Variants in SPECC1 observed in about 807,000 individuals in gnomAD.
The protein encoded by SPECC1 is sperm antigen with calponin homology and coiled-coil domains 1.
SPECC1 carries 62 observed loss-of-function variants against 104.1 expected under a neutral mutation model. The observed-to-expected ratio is 0.60, with a 90% CI of 0.49 to 0.74. The LOEUF is 0.74. Among genes scored for constraint, SPECC1 ranks in the 30% least tolerant of loss-of-function variants. The pLI is 0.00. For synonymous variants in SPECC1, 513 were observed against 501.6 expected, an observed-to-expected ratio of 1.02 and a Z score of -0.30; for missense variants, 1,306 against 1,310.5, an observed-to-expected ratio of 1.00 and a Z score of 0.05.
chr17:20,077,185 T>G (rs2046792893), intron 1 of SPECC1, among the ~76,000 whole-genome samples: 1 of 152,206 alleles, frequency 6.6e-6, no homozygotes, highest in East Asian at 1.9e-4. Context: ...ATGTTAGAGA[T>G]CTAAGTTCTC....
chr17:20,218,166 G>A (rs2703820), intron 4 of SPECC1, among the ~76,000 whole-genome samples: 107,814 of 152,206 alleles, frequency 0.71, 39,991 homozygotes, highest in East Asian at 0.99. Flanking sequence ...ACTACCTAGT[G>A]TTGTATATAT....
intron 3 of SPECC1, among the ~76,000 whole-genome samples, chr17:20,148,822 C>T (rs1254480057): frequency 1.3e-5 from 2 of 151,992 alleles, no homozygotes; most frequent in South Asian, 2.1e-4. Flanking sequence ...CAGGTTCAAG[C>T]GATTCTCCTG....
At chr17:20,075,014 T>C (rs1024530055) in intron 1 of SPECC1, among the ~76,000 whole-genome samples, 14 of 152,154 alleles carry the variant, frequency 9.2e-5, no homozygotes, top group African/African-American at 3.4e-4. Flanking sequence ...GTGATTCTCC[T>C]GTCATAGCCT....
chr17:20,284,726 T>G (rs1044393349), intron 12 of SPECC1, among the ~76,000 whole-genome samples: 1 of 152,206 alleles, frequency 6.6e-6, no homozygotes, highest in Non-Finnish European at 1.5e-5. Flanking sequence ...TGTTAAACTT[T>G]CCAAAAACTA....
At chr17:20,018,309 C>G (rs1043023297) in intron 1 of SPECC1, among the ~76,000 whole-genome samples, 3 of 152,200 alleles carry the variant, frequency 2.0e-5, no homozygotes, top group Non-Finnish European at 4.4e-5. Flanking sequence ...CTCTTGTTTT[C>G]CAGGTTTCTT....
intron 9 of SPECC1, among the ~76,000 whole-genome samples, chr17:20,248,622 G>A (rs1380459264): frequency 2.0e-5 from 3 of 152,112 alleles, no homozygotes; most frequent in Admixed American, 6.6e-5. Flanking sequence ...TCAGTAAGGT[G>A]GAGCACTTCT....
At chr17:20,183,804 T>G (rs1014424397) in intron 3 of SPECC1, among the ~76,000 whole-genome samples, 2 of 152,086 alleles carry the variant, frequency 1.3e-5, no homozygotes, top group African/African-American at 4.8e-5. Context: ...TATCTGTGGT[T>G]GGTAGAATTC....
chr17:20,010,549 G>C (rs1311570886), intron 1 of SPECC1, among the ~76,000 whole-genome samples: 1 of 152,230 alleles, frequency 6.6e-6, no homozygotes, highest in Admixed American at 6.5e-5. Flanking sequence ...CTCCAAGCAA[G>C]CGAGTTGAAT....
intron 3 of SPECC1, among the ~76,000 whole-genome samples, chr17:20,116,427 T>A (rs2048759122): frequency 6.6e-6 from 1 of 152,112 alleles, no homozygotes; most frequent in Admixed American, 6.5e-5. Context: ...AAGATAATAA[T>A]GTAAGAAACA....
intron 7 of SPECC1, among the ~76,000 whole-genome samples, chr17:20,243,192 T>A (rs962420290): frequency 1.3e-5 from 2 of 152,238 alleles, no homozygotes; most frequent in African/African-American, 4.8e-5. Flanking sequence ...AGGTTGATTT[T>A]AGAACCTAAC....
At chr17:20,305,235 G>A (rs549160854) in intron 13 of SPECC1, among the ~76,000 whole-genome samples, 4 of 152,232 alleles carry the variant, frequency 2.6e-5, no homozygotes, top group East Asian at 3.9e-4. Context: ...TCCAGGGAAG[G>A]AAGCAAAGGT....
chr17:20,023,218 A>G (rs1042983622), intron 1 of SPECC1, among the ~76,000 whole-genome samples: 2 of 152,192 alleles, frequency 1.3e-5, no homozygotes, highest in Non-Finnish European at 2.9e-5. Context: ...GTAAATGAAC[A>G]TGGTCTCTTC....
intron 4 of SPECC1, among the ~76,000 whole-genome samples, chr17:20,208,226 C>G (rs1393895293): frequency 6.6e-6 from 1 of 152,158 alleles, no homozygotes; most frequent in Non-Finnish European, 1.5e-5. Context: ...AAGGTCCTAG[C>G]TAGTATTTTT....
intron 3 of SPECC1, among the ~76,000 whole-genome samples, chr17:20,186,926 T>G (rs2035321712): frequency 6.6e-6 from 1 of 152,196 alleles, no homozygotes; most frequent in Non-Finnish European, 1.5e-5. Flanking sequence ...CTGAAGTCTT[T>G]TGGGTTGGTT....
At chr17:20,221,713 T>C (rs1326204464) in intron 4 of SPECC1, among the ~76,000 whole-genome samples, 1 of 152,160 alleles carries the variant, frequency 6.6e-6, no homozygotes, top group African/African-American at 2.4e-5. Flanking sequence ...GCTTTTCTGG[T>C]TATTTAAGAT....
intron 3 of SPECC1, among the ~76,000 whole-genome samples, chr17:20,125,577 T>C (rs2049260004): frequency 6.6e-6 from 1 of 152,224 alleles, no homozygotes; most frequent in Non-Finnish European, 1.5e-5. Flanking sequence ...ACTTTCTGTT[T>C]CTGTGAGTTT....
chr17:20,055,478 G>T (rs768773119), intron 1 of SPECC1, among the ~76,000 whole-genome samples: 12 of 152,090 alleles, frequency 7.9e-5, no homozygotes, highest in Non-Finnish European at 1.3e-4. Flanking sequence ...ACCAATACTT[G>T]CTGTCTTTTG....
intron 12 of SPECC1, among the ~76,000 whole-genome samples, chr17:20,295,059 T>C (rs2041302050): frequency 6.6e-6 from 1 of 151,888 alleles, no homozygotes; most frequent in Admixed American, 6.6e-5. Flanking sequence ...CTGGGGTACA[T>C]GTGCACAATG....
At chr17:20,118,234 A>G (rs560405551) in intron 3 of SPECC1, among the ~76,000 whole-genome samples, 25 of 152,344 alleles carry the variant, frequency 1.6e-4, no homozygotes, top group Non-Finnish European at 2.4e-4. Flanking sequence ...AAAGAGCCAC[A>G]TATGGTTGAT....
Sources: allele counts gnomAD v4.1 joint callset (sites outside exome capture counted in the v4.1 genomes callset), GRCh38; gene constraint gnomAD v4.1.1; transcripts MANE v1.5; gene names NCBI Gene and HGNC (gene_info 2026-07-23, HGNC 2026-07-21).